The following CBR4 variants were observed in gnomAD, a reference collection of about 807,000 sequenced individuals.
The protein encoded by CBR4 is carbonyl reductase 4.
Under a neutral mutation model 21.0 loss-of-function variants are expected in CBR4, and 22 were observed. The ratio of observed to expected loss-of-function variants is 1.05; its 90% confidence interval spans 0.75 to 1.50. The LOEUF is 1.50. Ranked by LOEUF, CBR4 falls within the 40% of genes most tolerant of loss-of-function variation. CBR4 has a pLI of 0.00. For missense variants in CBR4, 302 were observed against 286.3 expected (o/e 1.05, Z -0.40); for synonymous variants, 100 against 104.4 (o/e 0.96, Z 0.26).
downstream of CBR4, among the ~76,000 whole-genome samples, chr4:168,984,575 C>T (rs938203316): frequency 6.6e-5 from 10 of 151,996 alleles, no homozygotes; most frequent in Non-Finnish European, 1.5e-4. Context: ...TCATTTGGAA[C>T]CAAAAAAGAG....
intron 2 of CBR4, chr4:168,904,314 C>A: frequency 5.5e-6 from 1 of 183,426 alleles, no homozygotes; most frequent in Admixed American, 5.3e-5. Context: ...AAAAACTCAA[C>A]AAAGTAAAAT....
At chr4:168,922,096 TATATATAC>T (rs1351404088) in intron 2 of CBR4, among the ~76,000 whole-genome samples, 161 of 104,896 alleles carry the variant, frequency 1.5e-3, no homozygotes, top group South Asian at 3.6e-3. Flanking sequence ...TATATATATA[TATATATAC>T]ACACACACAC....
intron 4 of CBR4, among the ~76,000 whole-genome samples, chr4:168,992,319 T>C (rs1376286180): frequency 6.6e-6 from 1 of 152,082 alleles, no homozygotes; most frequent in Non-Finnish European, 1.5e-5. Flanking sequence ...TGTGTACACA[T>C]GGATGTGATC....
chr4:168,988,407 T>C lies in CBR4; in HGVS notation c.*1743A>G, dbSNP rs1764766959. ...TACTGCTTTCTACCCAAATCACCAA[T>C]TGAATCAGCCTCGCTCATGATTTCA... is the stretch of plus-strand genomic sequence containing the variant. On this transcript the variant is annotated 3_prime_UTR_variant, in exon 5 of 5. Coordinates refer to ENST00000306193, the MANE Select transcript of CBR4 (RefSeq NM_032783.5). 14 of 985,418 alleles carry C rather than the reference T, an allele frequency of 1.4e-5. No individual in the cohort carries two copies. The highest frequency in any genetic ancestry group is 1.7e-5 in the Non-Finnish European group (14 of 829,930). 61.0% of individuals were successfully genotyped at this position (985,418 alleles called of 1,614,324 possible). A position where few individuals can be genotyped will look rare whatever the true frequency, so the allele number is the denominator to read the frequency against.
At chr4:169,003,809 G>T (rs572807987) in intron 3 of CBR4, among the ~76,000 whole-genome samples, 1 of 152,212 alleles carries the variant, frequency 6.6e-6, no homozygotes, top group Non-Finnish European at 1.5e-5. Flanking sequence ...GGACATGAAT[G>T]AAATTGGAAA....
chr4:168,948,964 C>T (rs540505323), intron 2 of CBR4, among the ~76,000 whole-genome samples: 9 of 152,300 alleles, frequency 5.9e-5, no homozygotes, highest in African/African-American at 2.2e-4. Flanking sequence ...GCAGTATGGT[C>T]ATTTTCACAA....
chr4:169,007,791 C>T lies in CBR4; in HGVS notation c.143-35G>A, dbSNP rs375276573. 4.0e-6 allele frequency: 6 copies of T among 1,501,490 alleles called. No homozygotes were observed. In the African/African-American group the frequency reaches 8.5e-5, roughly 21 times the overall value. The allele number at this position is 1,501,490 out of a possible 1,614,324, so 93.0% of individuals were successfully genotyped here. On this transcript the variant is annotated intron_variant, in intron 1 of 4. Coordinates refer to ENST00000306193, the MANE Select transcript of CBR4 (RefSeq NM_032783.5). ...AAAGTTAAATAAGAATTACTTATAA[C>T]TCAAATTTTAAATTTACTCAATACA...
intron 4 of CBR4, among the ~76,000 whole-genome samples, chr4:168,996,094 T>C (rs898002): frequency 0.69 from 105,581 of 152,008 alleles, 38,221 homozygotes; most frequent in East Asian, 0.96. Context: ...CTTGCCACAA[T>C]CTCTCCCCAG....
rs1480237759 is a variant in CBR4, at chr4:168,910,263, C to T, written n.170-15498G>A. Reference sequence around the variant, plus strand: ...TTTTGAGAGGGGAGGAAGAGGCAGGCTAAGCATATCAAGGATCTGTTTAGA... The same window carrying T: ...TTTTGAGAGGGGAGGAAGAGGCAGGTTAAGCATATCAAGGATCTGTTTAGA... On this transcript the variant is annotated intron_variant and non_coding_transcript_variant, in intron 2 of 3. Coordinates refer to the CBR4 transcript ENST00000509108. Among the ~76,000 whole-genome samples the T allele has an allele frequency of 8.0e-5, 11 of 138,236 alleles. No individual in the cohort carries two copies. The East Asian group carries it at 1.9e-3, about 24-fold the overall frequency. The allele number at this position is 138,236 out of a possible 152,430, so 90.7% of individuals were successfully genotyped here.
chr4:168,974,851 T>C (rs1244855906), intron 2 of CBR4, among the ~76,000 whole-genome samples: 2 of 152,240 alleles, frequency 1.3e-5, no homozygotes, highest in Non-Finnish European at 2.9e-5. Flanking sequence ...CACCTTCCTC[T>C]GGTATCTCCT....
downstream of CBR4, among the ~76,000 whole-genome samples, chr4:168,982,863 A>C (rs977171352): frequency 5.3e-5 from 8 of 152,212 alleles, no homozygotes; most frequent in African/African-American, 1.9e-4. Flanking sequence ...AAATTATCTG[A>C]AACTAATTAA....
rs149402540 is a variant in CBR4, at chr4:168,998,104, T to C, written c.535+3967A>G. On this transcript the variant is annotated intron_variant, in intron 4 of 4. Transcript: ENST00000306193. ...CAAGATTTTCTCCAAGTAGTAAACA[T>C]AAAAGCTCTTCAACTTAAAAAATAA... Among the ~76,000 whole-genome samples the C allele has an allele frequency of 4.4e-3, 671 of 152,258 alleles. 7 individuals carry two copies. The highest frequency in any genetic ancestry group is 0.015 in the African/African-American group (639 of 41,548).
At chr4:168,937,171 A>G (rs1255633839) in intron 2 of CBR4, among the ~76,000 whole-genome samples, 1 of 152,192 alleles carries the variant, frequency 6.6e-6, no homozygotes, top group African/African-American at 2.4e-5. Flanking sequence ...ATTCTTAAAG[A>G]GAAGACTTTT....
intron 2 of CBR4, among the ~76,000 whole-genome samples, chr4:168,980,161 C>T (rs1031907647): frequency 6.6e-6 from 1 of 152,014 alleles, no homozygotes; most frequent in Admixed American, 6.5e-5. Context: ...AACAAAAAGT[C>T]TGGCTTGCCC....
intron 3 of CBR4, among the ~76,000 whole-genome samples, chr4:169,006,211 A>G (rs1326831434): frequency 6.6e-6 from 1 of 152,270 alleles, no homozygotes; most frequent in East Asian, 1.9e-4. Flanking sequence ...TTCCTTGTCC[A>G]TGTTTTAAAA....
At chr4:168,922,094 T>TACAC (rs1560930620) in intron 2 of CBR4, among the ~76,000 whole-genome samples, 1 of 106,826 alleles carries the variant, frequency 9.4e-6, no homozygotes, top group African/African-American at 3.2e-5. Context: ...TTTATATATA[T>TACAC]ATATATATAC....
chr4:168,956,069 T>C (rs768907665), intron 2 of CBR4, among the ~76,000 whole-genome samples: 3 of 152,214 alleles, frequency 2.0e-5, no homozygotes, highest in Non-Finnish European at 4.4e-5. Context: ...CTCTCTGAGA[T>C]ATGTTCAGCA....
intron 2 of CBR4, among the ~76,000 whole-genome samples, chr4:168,907,624 A>G (rs970397414): frequency 4.6e-5 from 7 of 152,116 alleles, no homozygotes; most frequent in African/African-American, 1.7e-4. Flanking sequence ...CCCAAAAGAG[A>G]GTGGTTACTG....
intron 2 of CBR4, chr4:168,904,070 C>A (rs1757112389): frequency 2.9e-6 from 2 of 684,784 alleles, no homozygotes; most frequent in South Asian, 1.7e-5. Context: ...TAGAAAAATT[C>A]TTTGTTTCAT....
Sources: gnomAD v4.1 joint callset for allele counts (sites outside exome capture counted in the v4.1 genomes callset) on GRCh38, gnomAD v4.1.1 for gene constraint, MANE v1.5 for transcripts, NCBI Gene and HGNC (gene_info 2026-07-23, HGNC 2026-07-21) for gene names.